SHISA9: variants seen among roughly 807,000 people sequenced by gnomAD.
SHISA9 encodes shisa family member 9.
In SHISA9, 13 loss-of-function variants were observed where a neutral mutation model predicts 38.0. That is an observed-to-expected ratio of 0.34 (90% CI 0.22 to 0.54). The LOEUF (loss-of-function observed/expected upper bound fraction) is 0.54, where lower values mean the gene tolerates loss of function less well. SHISA9 is among the 20% of genes least tolerant of loss of function. The pLI, the probability that SHISA9 is intolerant of heterozygous loss-of-function variation, is 0.91. For missense variants in SHISA9, 538 were observed against 575.8 expected (o/e 0.93, Z 0.67); for synonymous variants, 275 against 242.0 (o/e 1.14, Z -1.27).
chr16:13,118,465 C>G (rs1158546686), intron 2 of SHISA9, among the ~76,000 whole-genome samples: 1 of 152,198 alleles, frequency 6.6e-6, no homozygotes, highest in Non-Finnish European at 1.5e-5. Context: ...GGCAGTCATT[C>G]TTGTCTTCTT....
the SHISA9 span, among the ~76,000 whole-genome samples, chr16:13,469,640 A>G: frequency 3.4e-3 from 525 of 152,242 alleles, 3 homozygotes; most frequent in Middle Eastern, 0.02. Flanking sequence ...CCCCTTGGAG[A>G]CAGAGGCAGT....
chr16:13,343,369 C>T, the SHISA9 span, among the ~76,000 whole-genome samples: 2 of 152,076 alleles, frequency 1.3e-5, no homozygotes, highest in African/African-American at 2.4e-5. Flanking sequence ...TTTACATTTT[C>T]CCACTTTTTT....
intron 2 of SHISA9, among the ~76,000 whole-genome samples, chr16:13,157,754 G>A (rs932365721): frequency 3.3e-5 from 5 of 152,124 alleles, no homozygotes; most frequent in African/African-American, 4.8e-5. Context: ...TTCCCAAGGA[G>A]GGAGACAACC....
rs200194973 is a variant in SHISA9 at position 12,968,189 on chromosome 16, C to CAAAAAAA, written c.691+51405_691+51411dup. Among the ~76,000 whole-genome samples, 40 of 82,046 alleles carry CAAAAAAA rather than the reference C, an allele frequency of 4.9e-4. 5 individuals carry two copies. The highest frequency in any genetic ancestry group is 6.4e-4 in the African/African-American group (13 of 20,342). 53.8% of individuals were successfully genotyped at this position (82,046 alleles called of 152,430 possible). On this transcript the variant is annotated intron_variant, in intron 2 of 4. Coordinates refer to ENST00000558583, the MANE Select transcript of SHISA9 (RefSeq NM_001145204.3). The stretch of plus-strand genomic sequence containing the variant: ...TGGGTGACAGAGGAAGGCTCCATCT[C>CAAAAAAA]AAAAAAAAAAAAAAAAAAAAAAAAA...
intron 2 of SHISA9, among the ~76,000 whole-genome samples, chr16:13,080,156 G>T (rs568109747): frequency 6.6e-6 from 1 of 151,992 alleles, no homozygotes; most frequent in African/African-American, 2.4e-5. Flanking sequence ...GGAGGATCAC[G>T]AGGTCAGGAG....
the SHISA9 span, among the ~76,000 whole-genome samples, chr16:13,278,465 C>T: frequency 6.6e-6 from 1 of 151,926 alleles, no homozygotes; most frequent in African/African-American, 2.4e-5. Context: ...CTTTCTCTGT[C>T]TTGTGGAATA....
At chr16:13,452,753 G>A in the SHISA9 span, among the ~76,000 whole-genome samples, 5 of 151,764 alleles carry the variant, frequency 3.3e-5, no homozygotes, top group Non-Finnish European at 7.4e-5. Context: ...TTGCCTCTTT[G>A]TACTTACTCC....
intron 3 of SHISA9, among the ~76,000 whole-genome samples, chr16:13,212,407 C>T (rs948124060): frequency 6.6e-6 from 1 of 152,156 alleles, no homozygotes; most frequent in Non-Finnish European, 1.5e-5. Flanking sequence ...GGCCAATTCT[C>T]AGTATCCTTC....
At chr16:13,523,604 G>A in the SHISA9 span, among the ~76,000 whole-genome samples, 1 of 152,154 alleles carries the variant, frequency 6.6e-6, no homozygotes, top group Non-Finnish European at 1.5e-5. Context: ...TGGAAAAGCA[G>A]GAGCAAACAA....
intron 2 of SHISA9, among the ~76,000 whole-genome samples, chr16:13,013,581 C>G (rs897334404): frequency 1.3e-5 from 2 of 152,134 alleles, no homozygotes; most frequent in Admixed American, 1.3e-4. Context: ...CATCAAATAT[C>G]CTGTTATAAG....
the SHISA9 span, among the ~76,000 whole-genome samples, chr16:13,462,233 C>T: frequency 6.6e-6 from 1 of 151,638 alleles, no homozygotes; most frequent in African/African-American, 2.4e-5. Flanking sequence ...TGGTGAGACC[C>T]CTACCTCTAC....
intron 2 of SHISA9, among the ~76,000 whole-genome samples, chr16:12,948,265 T>A (rs1015632991): frequency 1.3e-5 from 2 of 152,184 alleles, no homozygotes; most frequent in Admixed American, 1.3e-4. Flanking sequence ...GTTTGACTAT[T>A]TCTAAACAAA....
At chr16:13,375,794 C>T in the SHISA9 span, among the ~76,000 whole-genome samples, 48 of 152,290 alleles carry the variant, frequency 3.2e-4, no homozygotes, top group African/African-American at 1.1e-3. Flanking sequence ...GAAAGCTATC[C>T]TGTATTCATG....
the SHISA9 span, among the ~76,000 whole-genome samples, chr16:13,469,377 G>GGAA: frequency 3.2e-4 from 30 of 93,800 alleles, 1 homozygote; most frequent in South Asian, 4.5e-4. Context: ...AAGAAAGAAA[G>GGAA]AAAGAAAGAA....
the SHISA9 span, among the ~76,000 whole-genome samples, chr16:13,311,743 T>C: frequency 6.6e-6 from 1 of 152,256 alleles, no homozygotes; most frequent in Non-Finnish European, 1.5e-5. Context: ...GGCAGTGTTA[T>C]GTGGCAGGTA....
At chr16:13,046,686 G>C (rs886778263) in intron 2 of SHISA9, among the ~76,000 whole-genome samples, 1 of 152,168 alleles carries the variant, frequency 6.6e-6, no homozygotes. Flanking sequence ...ATAGTCCCCT[G>C]TATGATTGGG....
Position 13,203,437 on chromosome 16 carries a change from C to G in SHISA9, c.735C>G (p.Leu245=). The G allele has an allele frequency of 6.4e-7, 1 of 1,550,418 alleles. No homozygotes were observed. Among genetic ancestry groups the G allele is most frequent in the Non-Finnish European group, 8.7e-7 (1 of 1,146,388 alleles). Residue 245 remains leucine (L), a synonymous_variant, in exon 3 of 5, where the codon CTC becomes CTG. Transcript: ENST00000558583. Reference sequence around the variant, plus strand: ...ACGCAGTGCCCACCTCTCCTCTGCTCCAGCAGATGGGCCATCCACATTCGT... The same window carrying G: ...ACGCAGTGCCCACCTCTCCTCTGCTGCAGCAGATGGGCCATCCACATTCGT... ...MNNAVPTSPL[L]QQMGHPHSYP... is the part of the protein sequence containing the mutation.
At chr16:13,444,952 G>A in the SHISA9 span, among the ~76,000 whole-genome samples, 2 of 141,238 alleles carry the variant, frequency 1.4e-5, no homozygotes, top group African/African-American at 5.2e-5. Flanking sequence ...CCAGAGAGCT[G>A]GGACCATGGG....
intron 2 of SHISA9, among the ~76,000 whole-genome samples, chr16:13,143,018 T>TATTTTATTTTATTTTATTTTA (rs1463307122): frequency 2.0e-5 from 3 of 151,508 alleles, no homozygotes; most frequent in African/African-American, 7.3e-5. Context: ...TATTTTATTT[T>TATTTTATTTTATTTTATTTTA]ATTTTAAGAC....
Sources: gnomAD v4.1 joint callset for allele counts (sites outside exome capture counted in the v4.1 genomes callset) on GRCh38, gnomAD v4.1.1 for gene constraint, MANE v1.5 for transcripts, NCBI Gene and HGNC (gene_info 2026-07-23, HGNC 2026-07-21) for gene names.